The following YAE1 variants were observed in gnomAD, a reference collection of about 807,000 sequenced individuals.
YAE1 encodes the protein YAE1 maturation factor of ABCE1.
A neutral mutation model predicts 23.0 loss-of-function variants in YAE1; 22 were observed. The observed-to-expected ratio is 0.96, with a 90% CI of 0.68 to 1.37. YAE1 has a LOEUF of 1.37. Among genes scored for constraint, YAE1 ranks in the 40% most tolerant of loss-of-function variants. The pLI is 0.00. For synonymous variants in YAE1, 101 were observed against 97.0 expected (o/e 1.04, Z -0.24); for missense variants, 260 against 262.1 (o/e 0.99, Z 0.06).
chr7:39,566,568 G>A (rs2058711978), intron 1 of YAE1, 21 bp downstream of exon 1: 2 of 1,612,620 alleles, frequency 1.2e-6, no homozygotes, highest in African/African-American at 2.7e-5. Context: ...TGTGGACGGC[G>A]CGGGGTGCTG....
chr7:39,586,978 C>G (rs560171923), intron 2 of YAE1, among the ~76,000 whole-genome samples: 14 of 152,246 alleles, frequency 9.2e-5, no homozygotes, highest in Admixed American at 2.6e-4. Flanking sequence ...ATGGGTTCAC[C>G]ACCAGCCTAA....
At chr7:39,610,344 G>C, downstream of YAE1, 1 of 468,138 alleles carries the variant, frequency 2.1e-6, no homozygotes, top group South Asian at 1.6e-5. Context: ...TACATTTTTT[G>C]CAACTGTTTG....
chr7:39,600,994 C>T (rs1791047206), intron 2 of YAE1, among the ~76,000 whole-genome samples: 1 of 152,200 alleles, frequency 6.6e-6, no homozygotes, highest in Non-Finnish European at 1.5e-5. Flanking sequence ...CCCTACCAAA[C>T]TAAGACAACA....
chr7:39,574,356 G>C (rs1790621639), downstream of YAE1, among the ~76,000 whole-genome samples: 1 of 152,176 alleles, frequency 6.6e-6, no homozygotes, highest in African/African-American at 2.4e-5. Flanking sequence ...TCAACACTTT[G>C]GGAGGTGAAG....
At chr7:39,608,777 T>C (rs186915941) in intron 2 of YAE1, among the ~76,000 whole-genome samples, 24 of 152,352 alleles carry the variant, frequency 1.6e-4, no homozygotes, top group Admixed American at 1.2e-3. Flanking sequence ...CACCAATGCT[T>C]TCCTTCAGAA....
Position 39,566,547 on chromosome 7 carries a change from A to G in YAE1, c.129A>G (p.Lys43=). 1 of 1,613,866 alleles carries G rather than the reference A, an allele frequency of 6.2e-7. No homozygotes were observed. The highest frequency in any genetic ancestry group is 8.5e-7 in the Non-Finnish European group (1 of 1,179,848). ...EWQSNMQRRV[K]EGYRDGIDAG... Reference sequence around the variant, plus strand: ...AGAGTAACATGCAAAGACGAGTCAAAGTAAACGTGGTGTGGACGGCGCGGG... The same window carrying G: ...AGAGTAACATGCAAAGACGAGTCAAGGTAAACGTGGTGTGGACGGCGCGGG... The change falls in exon 1 of 3, where the codon AAA becomes AAG. Residue 43 remains lysine (K), a splice_region_variant and synonymous_variant. Coordinates refer to ENST00000223273, the MANE Select transcript of YAE1 (RefSeq NM_020192.5).
In YAE1 at chr7:39,590,106, TAA is replaced by T. The variant is rs1327479493; in HGVS notation, c.251+19480_251+19481del. 2.0e-5 allele frequency among the ~76,000 whole-genome samples: 3 copies of T among 152,298 alleles called. No individual in the cohort carries two copies. The East Asian group carries it at 5.8e-4, about 29-fold the overall frequency. On this transcript the variant is annotated intron_variant, in intron 2 of 2. Coordinates refer to the YAE1 transcript ENST00000432096. ...CCCAGCCATATCAATAGGAAAATCA[TAA>T]GAGTGTATACATAAGTCATTACTGA...
intron 2 of YAE1, among the ~76,000 whole-genome samples, chr7:39,602,857 T>G (rs554092398): frequency 1.3e-5 from 2 of 152,238 alleles, no homozygotes; most frequent in South Asian, 4.1e-4. Context: ...CAAGCAATTC[T>G]CGTGCCTCGA....
At chr7:39,579,013 G>T (rs544863461) in intron 2 of YAE1, among the ~76,000 whole-genome samples, 1 of 152,228 alleles carries the variant, frequency 6.6e-6, no homozygotes, top group African/African-American at 2.4e-5. Context: ...AACAAACCAA[G>T]ATGTTAGTTT....
At chr7:39,595,607 C>T (rs1257333282) in intron 2 of YAE1, among the ~76,000 whole-genome samples, 1 of 152,132 alleles carries the variant, frequency 6.6e-6, no homozygotes, top group Admixed American at 6.5e-5. Flanking sequence ...GTATTTTTAA[C>T]AATGAATAAT....
chr7:39,575,503 A>C (rs1486158562), downstream of YAE1, among the ~76,000 whole-genome samples: 1 of 150,396 alleles, frequency 6.6e-6, no homozygotes, highest in Non-Finnish European at 1.5e-5. Context: ...GTTAGAGCTT[A>C]GTTCTTAGAA....
Position 39,566,444 on chromosome 7 carries a change from TGATCCAGGGCCC to T in YAE1, c.27_38del (p.Leu9_Pro13delinsPhe). 1 of 1,614,150 alleles carries T rather than the reference TGATCCAGGGCCC, an allele frequency of 6.2e-7. No homozygotes were observed. The highest frequency in any genetic ancestry group is 8.5e-7 in the Non-Finnish European group (1 of 1,179,988). On this transcript the variant is annotated inframe_deletion, in exon 1 of 3. Coordinates refer to ENST00000223273, the MANE Select transcript of YAE1 (RefSeq NM_020192.5). ...ATGTCGTGGGTTCAAGCAGCCTCCT[TGATCCAGGGCCC>T]TGGAGACAAAGGGGACGTGTTTGAC...
At chr7:39,578,381 C>T (rs1215559215) in intron 2 of YAE1, among the ~76,000 whole-genome samples, 1 of 152,020 alleles carries the variant, frequency 6.6e-6, no homozygotes, top group Non-Finnish European at 1.5e-5. Flanking sequence ...AGCAGGCTGC[C>T]CAAGGGTCTA....
chr7:39,569,903 A>G, intron 1 of YAE1: 1 of 1,150,856 alleles, frequency 8.7e-7, no homozygotes. Context: ...TAGTAGGAAG[A>G]ACAGTTATTG....
chr7:39,584,520 C>A (rs1466140092), intron 2 of YAE1, among the ~76,000 whole-genome samples: 2 of 151,908 alleles, frequency 1.3e-5, no homozygotes, highest in Non-Finnish European at 2.9e-5. Context: ...TTCCCTTATC[C>A]TAATTTATTG....
chr7:39,569,940 T>C (rs1790538466), intron 1 of YAE1: 2 of 1,323,312 alleles, frequency 1.5e-6, no homozygotes, highest in Middle Eastern at 1.9e-4. Flanking sequence ...TCCTGGCTGC[T>C]CTGTGACATC....
exon 3 of YAE1, chr7:39,610,286 T>C (rs893997965): frequency 5.9e-6 from 3 of 506,298 alleles, no homozygotes; most frequent in African/African-American, 5.8e-5. Flanking sequence ...CTTGAAGCTT[T>C]TTGTTGCAGA....
At chr7:39,570,092 T>G in intron 1 of YAE1, 3 of 1,095,880 alleles carry the variant, frequency 2.7e-6, no homozygotes, top group Non-Finnish European at 4.1e-6. Flanking sequence ...CCAGTTCTTG[T>G]CTGTGATGAT....
rs370033851 is a variant in YAE1 at position 39,581,341 on chromosome 7, C to T, written c.251+10714C>T. On this transcript the variant is annotated intron_variant, in intron 2 of 2. Coordinates refer to the YAE1 transcript ENST00000432096. ...TTTAAACACAAAACAAATGAGTTGT[C>T]AAATTGCTTGTAATAATGAAATATG... Among the ~76,000 whole-genome samples, 88 of 152,202 alleles carry T rather than the reference C, an allele frequency of 5.8e-4. No homozygotes were observed. The South Asian group carries it at 0.017, about 30-fold the overall frequency.
Sources: allele counts gnomAD v4.1 joint callset (sites outside exome capture counted in the v4.1 genomes callset), GRCh38; gene constraint gnomAD v4.1.1; transcripts MANE v1.5; gene names NCBI Gene and HGNC (gene_info 2026-07-23, HGNC 2026-07-21).